The following FAF1 variants were observed in gnomAD, a reference collection of about 807,000 sequenced individuals.
FAF1 encodes the protein Fas associated factor 1.
In FAF1, 25 loss-of-function variants were observed where a neutral mutation model predicts 92.5. That is an observed-to-expected ratio of 0.27 (90% CI 0.20 to 0.38). FAF1 has a LOEUF of 0.38. FAF1 is among the 10% of genes least tolerant of loss of function. FAF1 has a pLI of 1.00. For synonymous variants in FAF1, 234 were observed against 273.2 expected (o/e 0.86, Z 1.42); for missense variants, 636 against 793.3 (o/e 0.80, Z 2.38).
At chr1:50,729,944 C>G (rs1320234388) in intron 6 of FAF1, among the ~76,000 whole-genome samples, 2 of 151,984 alleles carry the variant, frequency 1.3e-5, no homozygotes, top group African/African-American at 4.8e-5. Flanking sequence ...TTGCTTGAAC[C>G]CAGGAGGCAG....
intron 1 of FAF1, among the ~76,000 whole-genome samples, chr1:50,930,566 T>C (rs1045305389): frequency 3.3e-5 from 5 of 152,228 alleles, no homozygotes; most frequent in African/African-American, 9.6e-5. Context: ...CCAGGCACAG[T>C]GGCTCAAGCC....
intron 4 of FAF1, among the ~76,000 whole-genome samples, chr1:50,749,738 T>C (rs565981373): frequency 4.8e-4 from 73 of 151,624 alleles, no homozygotes; most frequent in Non-Finnish European, 9.0e-4. Context: ...CAGTGAGCCA[T>C]GATCGTTGCC....
chr1:50,483,713 A>T (rs1646727396), intron 17 of FAF1, among the ~76,000 whole-genome samples: 1 of 152,194 alleles, frequency 6.6e-6, no homozygotes, highest in Non-Finnish European at 1.5e-5. Context: ...ATGGTGGCTT[A>T]GATGAGGGTG....
At chr1:50,667,034 T>C (rs75937768) in intron 7 of FAF1, among the ~76,000 whole-genome samples, 7,607 of 152,318 alleles carry the variant, frequency 0.05, 261 homozygotes, top group Non-Finnish European at 0.073. Context: ...TTAAGTGCTG[T>C]AGAGGAAGAA....
intron 13 of FAF1, among the ~76,000 whole-genome samples, chr1:50,556,150 C>T (rs1572831080): frequency 6.8e-6 from 1 of 147,164 alleles, no homozygotes; most frequent in East Asian, 2.0e-4. Context: ...AGGCAGGAGA[C>T]TGGCGTGAAC....
At chr1:50,593,089 C>T (rs1159246274) in intron 9 of FAF1, among the ~76,000 whole-genome samples, 2 of 151,892 alleles carry the variant, frequency 1.3e-5, no homozygotes, top group Non-Finnish European at 2.9e-5. Context: ...AAAAGCTGCT[C>T]AAAAATGAAA....
intron 9 of FAF1, among the ~76,000 whole-genome samples, chr1:50,588,530 G>GTT (rs1451807739): frequency 6.6e-6 from 1 of 152,170 alleles, no homozygotes; most frequent in African/African-American, 2.4e-5. Flanking sequence ...TGGAGAGAGG[G>GTT]TAGAGAAGGA....
intron 1 of FAF1, among the ~76,000 whole-genome samples, chr1:50,933,915 A>G (rs1645067254): frequency 6.6e-6 from 1 of 152,224 alleles, no homozygotes; most frequent in South Asian, 2.1e-4. Context: ...AGACTTATTC[A>G]CTATCACGAG....
chr1:50,511,573 G>A lies in FAF1; in HGVS notation c.1495-19772C>T, dbSNP rs181499017. Among the ~76,000 whole-genome samples, 13 of 152,238 alleles carry A rather than the reference G, an allele frequency of 8.5e-5. No homozygotes were observed. The East Asian group carries it at 1.5e-3, about 18-fold the overall frequency. Reference sequence around the variant, plus strand: ...TCATCCATGCCCCTGAAAAGGACACGAACTCATCCTTTTTTATGGCTGCAT... The same window carrying A: ...TCATCCATGCCCCTGAAAAGGACACAAACTCATCCTTTTTTATGGCTGCAT... On this transcript the variant is annotated intron_variant, in intron 15 of 18. Coordinates refer to ENST00000396153, the MANE Select transcript of FAF1 (RefSeq NM_007051.3).
chr1:50,747,726 A>C (rs1659685094), intron 4 of FAF1, among the ~76,000 whole-genome samples: 1 of 152,204 alleles, frequency 6.6e-6, no homozygotes, highest in Non-Finnish European at 1.5e-5. Context: ...TTGCATCCCC[A>C]ATCATGTTAA....
chr1:50,837,793 G>T (rs1213402093), intron 2 of FAF1, among the ~76,000 whole-genome samples: 12 of 151,504 alleles, frequency 7.9e-5, no homozygotes, highest in Non-Finnish European at 1.5e-4. Flanking sequence ...ACCCAGGCTG[G>T]AGTGCAGTGG....
At chr1:50,446,758 A>G (rs896613842) in intron 18 of FAF1, among the ~76,000 whole-genome samples, 59 of 152,244 alleles carry the variant, frequency 3.9e-4, no homozygotes, top group African/African-American at 1.4e-3. Flanking sequence ...TGGATCTAAT[A>G]TTTCACTTTT....
intron 7 of FAF1, among the ~76,000 whole-genome samples, chr1:50,676,950 C>T (rs1486440021): frequency 6.6e-6 from 1 of 151,898 alleles, no homozygotes; most frequent in Admixed American, 6.6e-5. Context: ...CTGTGATATA[C>T]ATGAAAAAGG....
intron 17 of FAF1, among the ~76,000 whole-genome samples, chr1:50,485,105 A>T (rs996444208): frequency 4.0e-5 from 6 of 151,364 alleles, no homozygotes; most frequent in African/African-American, 1.5e-4. Flanking sequence ...AAAGTATAAT[A>T]AAAAAAAGAA....
At chr1:50,735,050 G>A (rs1659084849) in intron 6 of FAF1, among the ~76,000 whole-genome samples, 1 of 152,032 alleles carries the variant, frequency 6.6e-6, no homozygotes, top group Admixed American at 6.6e-5. Flanking sequence ...GGAATGAGTT[G>A]GTATCTAAGA....
chr1:50,475,729 G>T (rs1213740586), intron 17 of FAF1, 50 bp from the exon 18 acceptor site: 2 of 1,243,284 alleles, frequency 1.6e-6, no homozygotes, highest in East Asian at 2.4e-5. Context: ...ACTGGACTAT[G>T]GAGAGTGGGG....
chr1:50,527,164 C>CT (rs778637899), intron 15 of FAF1, among the ~76,000 whole-genome samples: 1 of 152,080 alleles, frequency 6.6e-6, no homozygotes, highest in Non-Finnish European at 1.5e-5. Context: ...CCCCTGATGA[C>CT]TTTTTTGATT....
intron 13 of FAF1, among the ~76,000 whole-genome samples, chr1:50,565,134 ATATAGAGAAATAT>A (rs1436545604): frequency 1.1e-4 from 17 of 152,168 alleles, no homozygotes; most frequent in Admixed American, 9.8e-4. Flanking sequence ...TGTTACTTTA[ATATAGAGAAATAT>A]AACACCTTTT....
At chr1:50,955,777 T>C (rs1645261673) in intron 1 of FAF1, among the ~76,000 whole-genome samples, 1 of 152,176 alleles carries the variant, frequency 6.6e-6, no homozygotes, top group Non-Finnish European at 1.5e-5. Context: ...AAATATGGTA[T>C]ATACATACAA....
Sources: allele counts gnomAD v4.1 joint callset (sites outside exome capture counted in the v4.1 genomes callset), GRCh38; gene constraint gnomAD v4.1.1; transcripts MANE v1.5; gene names NCBI Gene and HGNC (gene_info 2026-07-23, HGNC 2026-07-21).